The following OSBPL8 variants were observed in gnomAD, a reference collection of about 807,000 sequenced individuals.
The protein encoded by OSBPL8 is oxysterol binding protein like 8.
A neutral mutation model predicts 125.5 loss-of-function variants in OSBPL8; 59 were observed. That is an observed-to-expected ratio of 0.47 (90% CI 0.38 to 0.58). The LOEUF is 0.58. Ranked by LOEUF, OSBPL8 falls within the 20% of genes least tolerant of loss-of-function variation. The probability of loss-of-function intolerance (pLI) is 0.00; values close to 1 mark genes in which losing one functional copy is unlikely to be tolerated. For synonymous variants in OSBPL8, 330 were observed against 338.9 expected, an observed-to-expected ratio of 0.97 and a Z score of 0.29; for missense variants, 758 against 1,047.8, an observed-to-expected ratio of 0.72 and a Z score of 3.82.
chr12:76,527,794 G>A (rs1293128122), intron 1 of OSBPL8, among the ~76,000 whole-genome samples: 1 of 152,148 alleles, frequency 6.6e-6, no homozygotes, highest in African/African-American at 2.4e-5. Flanking sequence ...CAGCAAGAAT[G>A]CCTGCCTTTT....
chr12:76,532,816 C>CA (rs891711673), intron 1 of OSBPL8, among the ~76,000 whole-genome samples: 18 of 151,734 alleles, frequency 1.2e-4, no homozygotes, highest in African/African-American at 3.4e-4. Context: ...AAAACAATCA[C>CA]AAAAAAAACT....
intron 1 of OSBPL8, among the ~76,000 whole-genome samples, chr12:76,528,627 A>C (rs1950244814): frequency 6.6e-6 from 1 of 152,078 alleles, no homozygotes; most frequent in Admixed American, 6.6e-5. Flanking sequence ...CCTAAAATAA[A>C]AGATAGTTGT....
intron 4 of OSBPL8, among the ~76,000 whole-genome samples, chr12:76,414,819 C>T (rs940341006): frequency 3.9e-5 from 6 of 151,994 alleles, no homozygotes; most frequent in Non-Finnish European, 7.4e-5. Flanking sequence ...GTTAACAAAA[C>T]GAAATTTGGA....
At chr12:76,518,851 T>A (rs1212948874) in intron 1 of OSBPL8, among the ~76,000 whole-genome samples, 1 of 152,234 alleles carries the variant, frequency 6.6e-6, no homozygotes, top group East Asian at 1.9e-4. Flanking sequence ...AGTGGCACCC[T>A]GGGACAGGTC....
intron 1 of OSBPL8, among the ~76,000 whole-genome samples, chr12:76,492,948 C>G (rs1052868587): frequency 8.0e-5 from 12 of 149,408 alleles, no homozygotes; most frequent in African/African-American, 3.0e-4. Context: ...TTTTTTTTTG[C>G]TTTCATTGTG....
chr12:76,399,795 G>GTT (rs1375441356), intron 7 of OSBPL8, 78 bp downstream of exon 7: 3 of 1,102,964 alleles, frequency 2.7e-6, no homozygotes, highest in Non-Finnish European at 3.8e-6. Context: ...TCTTGTAGGC[G>GTT]TTAGGTATAC....
chr12:76,356,927 T>A (rs1327136733), intron 22 of OSBPL8, among the ~76,000 whole-genome samples, 199 bp from the exon 23 acceptor site: 3 of 152,214 alleles, frequency 2.0e-5, no homozygotes, highest in African/African-American at 7.2e-5. Flanking sequence ...TTTAAAGTAC[T>A]ACACATTAGT....
At chr12:76,538,483 A>G (rs983230240) in intron 1 of OSBPL8, among the ~76,000 whole-genome samples, 1 of 152,198 alleles carries the variant, frequency 6.6e-6, no homozygotes, top group African/African-American at 2.4e-5. Flanking sequence ...ACAGCTATAG[A>G]TTATTTTTAA....
chr12:76,475,607 G>A (rs1876707564), intron 2 of OSBPL8, among the ~76,000 whole-genome samples: 1 of 152,176 alleles, frequency 6.6e-6, no homozygotes, highest in African/African-American at 2.4e-5. Context: ...TATACACAGA[G>A]AATGCAAAGC....
At position 76,356,088 on chromosome 12, in the gene OSBPL8, T is replaced by C. The variant is rs1592504531; in HGVS notation, c.2538-67A>G. The stretch of plus-strand genomic sequence containing the variant: ...GAAATGTTGGCATAGAGCCCACAAT[T>C]TGATATTAAACAGTCACAGAGCATT... On this transcript the variant is annotated intron_variant, in intron 23 of 23. Transcript: ENST00000261183. 9 of 1,421,446 alleles carry C rather than the reference T, an allele frequency of 6.3e-6. No homozygotes were observed. The East Asian group carries it at 2.1e-4, about 34-fold the overall frequency. The allele number at this position is 1,421,446 out of a possible 1,614,324, so 88.1% of individuals were successfully genotyped here.
chr12:76,405,458 TA>T (rs1467184515), intron 5 of OSBPL8, among the ~76,000 whole-genome samples: 2 of 151,768 alleles, frequency 1.3e-5, no homozygotes, highest in Non-Finnish European at 2.9e-5. Flanking sequence ...GACCTTGCCT[TA>T]AAAAAAATCA....
intron 2 of OSBPL8, among the ~76,000 whole-genome samples, chr12:76,483,660 CTTTTTTTTTTTTTTTT>C (rs869202382): frequency 1.6e-4 from 9 of 57,438 alleles, no homozygotes; most frequent in African/African-American, 4.8e-4. Context: ...CTGTAATAGT[CTTTTTTTTTTTTTTTT>C]TTTTTTTTTT....
At chr12:76,499,272 C>G (rs867717218) in intron 1 of OSBPL8, among the ~76,000 whole-genome samples, 1 of 151,552 alleles carries the variant, frequency 6.6e-6, no homozygotes, top group Non-Finnish European at 1.5e-5. Flanking sequence ...TGTTGTGGGA[C>G]CTTGTGATCA....
Position 76,378,541 on chromosome 12 carries a change from AAT to A in OSBPL8, c.1638_1639del (p.Leu547IlefsTer15). 1 of 1,587,216 alleles carries A rather than the reference AAT, an allele frequency of 6.3e-7. No individual in the cohort carries two copies. The highest frequency in any genetic ancestry group is 8.6e-7 in the Non-Finnish European group (1 of 1,163,624). On this transcript the variant is annotated frameshift_variant, in exon 16 of 24. Coordinates refer to ENST00000261183, the MANE Select transcript of OSBPL8 (RefSeq NM_020841.5). LOFTEE classifies it high-confidence loss of function. ...TGCTTCTCCCTCTAATATTGCAGAT[AAT>A]GAGTTTCCTGAAATAAAATGTTGTT...
chr12:76,375,407 T>C, intron 16 of OSBPL8, 37 bp from the exon 17 acceptor site: 1 of 1,369,930 alleles, frequency 7.3e-7, no homozygotes, highest in Non-Finnish European at 1.0e-6. Context: ...TTGAAAAGAG[T>C]ATAGTATAGT....
At chr12:76,433,489 C>A (rs1378382209) in intron 4 of OSBPL8, among the ~76,000 whole-genome samples, 1 of 150,894 alleles carries the variant, frequency 6.6e-6, no homozygotes, top group Non-Finnish European at 1.5e-5. Flanking sequence ...TAGAAATAAA[C>A]AAAAAGAGGT....
chr12:76,514,456 T>C (rs1290621796), intron 1 of OSBPL8, among the ~76,000 whole-genome samples: 1 of 152,156 alleles, frequency 6.6e-6, no homozygotes, highest in Non-Finnish European at 1.5e-5. Context: ...ATGAAATTCT[T>C]TGTTGAACAA....
At chr12:76,423,912 G>C (rs543227363) in intron 4 of OSBPL8, among the ~76,000 whole-genome samples, 1 of 152,204 alleles carries the variant, frequency 6.6e-6, no homozygotes, top group African/African-American at 2.4e-5. Context: ...TTCAACGCTG[G>C]TTCTCTATTC....
chr12:76,420,056 A>G (rs116261136), intron 4 of OSBPL8, among the ~76,000 whole-genome samples: 1,774 of 152,234 alleles, frequency 0.012, 43 homozygotes, highest in African/African-American at 0.041. Context: ...ATCATCACTG[A>G]TAAGGCGTTA....
Sources: gnomAD v4.1 joint callset for allele counts (sites outside exome capture counted in the v4.1 genomes callset) on GRCh38, gnomAD v4.1.1 for gene constraint, MANE v1.5 for transcripts, NCBI Gene and HGNC (gene_info 2026-07-23, HGNC 2026-07-21) for gene names.